CEP76: variants seen among roughly 807,000 people sequenced by gnomAD.
The protein encoded by CEP76 is centrosomal protein of 76 kDa.
In CEP76, 55 loss-of-function variants were observed where a neutral mutation model predicts 83.3. That is an observed-to-expected ratio of 0.66 (90% CI 0.53 to 0.83). The LOEUF (loss-of-function observed/expected upper bound fraction) is 0.83. CEP76 is among the 40% of genes least tolerant of loss of function. The probability of loss-of-function intolerance (pLI) is 0.00; values close to 1 mark genes in which losing one functional copy is unlikely to be tolerated. For missense variants in CEP76, 694 were observed against 799.5 expected, an observed-to-expected ratio of 0.87 and a Z score of 1.59; for synonymous variants, 270 against 274.5, an observed-to-expected ratio of 0.98 and a Z score of 0.16.
intron 5 of CEP76, among the ~76,000 whole-genome samples, chr18:12,695,574 ACT>A (rs1268894678): frequency 4.0e-5 from 6 of 151,798 alleles, no homozygotes; most frequent in African/African-American, 1.2e-4. Flanking sequence ...GCTTTCTGAC[ACT>A]CTTTTTCTTC....
At chr18:12,678,529 C>G (rs2039226384) in intron 9 of CEP76, 87 bp from the exon 10 acceptor site, 1 of 822,642 alleles carries the variant, frequency 1.2e-6, no homozygotes. Context: ...ACACTTAAGG[C>G]CATAACTACT....
intron 12 of CEP76, among the ~76,000 whole-genome samples, chr18:12,662,470 C>G (rs1023494827): frequency 6.6e-6 from 1 of 152,212 alleles, no homozygotes; most frequent in South Asian, 2.1e-4. Flanking sequence ...TGTACACTCA[C>G]AGAGAGCGAG....
chr18:12,669,978 C>T (rs2038901526), downstream of CEP76, among the ~76,000 whole-genome samples: 1 of 105,704 alleles, frequency 9.5e-6, no homozygotes, highest in South Asian at 2.7e-4. Flanking sequence ...GCCTGGGCAA[C>T]AAGAGCCAAA....
intron 10 of CEP76, among the ~76,000 whole-genome samples, chr18:12,675,314 T>C (rs2039083958): frequency 6.6e-6 from 1 of 152,048 alleles, no homozygotes; most frequent in Non-Finnish European, 1.5e-5. Context: ...GAGAATGGTA[T>C]GAATCCGGGA....
chr18:12,702,734 C>G, upstream of CEP76: 1 of 630,394 alleles, frequency 1.6e-6, no homozygotes, highest in East Asian at 3.1e-5. Context: ...GAGGCCCCGG[C>G]GGCGGCGGCG....
At chr18:12,701,700 T>G (rs1200030649) in intron 1 of CEP76, among the ~76,000 whole-genome samples, 1 of 152,192 alleles carries the variant, frequency 6.6e-6, no homozygotes, top group Admixed American at 6.5e-5. Flanking sequence ...CTGGAGGTTC[T>G]TCTGGAGCTC....
chr18:12,681,251 A>G (rs2039339169), intron 8 of CEP76, among the ~76,000 whole-genome samples: 1 of 143,138 alleles, frequency 7.0e-6, no homozygotes, highest in Admixed American at 7.2e-5. Flanking sequence ...AAAGAAAAGT[A>G]GAACATTTTT....
intron 8 of CEP76, among the ~76,000 whole-genome samples, chr18:12,682,449 A>C (rs2039385055): frequency 2.0e-5 from 3 of 152,148 alleles, no homozygotes; most frequent in African/African-American, 7.2e-5. Context: ...TCAGCCTCCC[A>C]AAGTGCTGGG....
intron 7 of CEP76, 42 bp downstream of exon 7, chr18:12,691,317 C>A (rs200423139): frequency 5.3e-6 from 7 of 1,319,340 alleles, no homozygotes; most frequent in Non-Finnish European, 7.3e-6. Context: ...AACAGTAAAT[C>A]TCAAATACAG....
chr18:12,678,312 C>A lies in CEP76; in HGVS notation c.1420G>T (p.Ala474Ser). The A allele has an allele frequency of 1.2e-6, 2 of 1,614,128 alleles. No homozygotes were observed. Among genetic ancestry groups the A allele is most frequent in the Non-Finnish European group, 1.7e-6 (2 of 1,180,024 alleles). ...AAATCAAATACACAGGTTTCTACTGCATCAGAGGGTTGACAATTTCCCAGG... is the reference window on the plus strand; with the variant it reads ...AAATCAAATACACAGGTTTCTACTGAATCAGAGGGTTGACAATTTCCCAGG... ...MFLGNCQPSDAVETCVFDLND... is the reference protein window; with the variant it reads ...MFLGNCQPSDSVETCVFDLND... The change falls in exon 10 of 12, where the codon GCA becomes TCA. Residue 474 changes from alanine (A) to serine (S), a missense_variant. Transcript: ENST00000262127.
chr18:12,675,558 A>G (rs906069463), intron 10 of CEP76, among the ~76,000 whole-genome samples: 3 of 152,220 alleles, frequency 2.0e-5, no homozygotes, highest in African/African-American at 7.2e-5. Context: ...TGTACTCTAT[A>G]AAACTTATAT....
intron 5 of CEP76, among the ~76,000 whole-genome samples, chr18:12,695,908 T>C (rs1249160924): frequency 6.6e-6 from 1 of 151,774 alleles, no homozygotes; most frequent in African/African-American, 2.4e-5. Flanking sequence ...AGCATTTATA[T>C]TGTCACTTAT....
chr18:12,702,507 G>A lies in CEP76; in HGVS notation c.42C>T (p.Leu14=), dbSNP rs778697314. The change falls in exon 1 of 12, where the codon CTC becomes CTT. Residue 14 remains leucine, a synonymous_variant. Coordinates refer to ENST00000262127, the MANE Select transcript of CEP76 (RefSeq NM_024899.4). ...PPEKASELKQ[L]IHQQLSKMDV... ...TCACCTTGCTCAGCTGCTGGTGGAT[G>A]AGCTGCTTCAGCTCGGAGGCTTTCT... 80 of 1,609,950 alleles carry A rather than the reference G, an allele frequency of 5.0e-5. 1 individual carries two copies. Among genetic ancestry groups the A allele is most frequent in the Middle Eastern group, 3.4e-4 (2 of 5,956 alleles).
intron 9 of CEP76, among the ~76,000 whole-genome samples, chr18:12,678,780 A>AC (rs2039237386): frequency 6.6e-6 from 1 of 152,004 alleles, no homozygotes; most frequent in African/African-American, 2.4e-5. Context: ...ACATGGTGAA[A>AC]CCCCGTCTCT....
Position 12,673,259 on chromosome 18 carries a change from A to C in CEP76, c.*106T>G. Reference sequence around the variant, plus strand: ...TATACAAAATTGAAGTATGCCATTCAAGCCAGATTGTGATTTTAAAATAAC... The same window carrying C: ...TATACAAAATTGAAGTATGCCATTCCAGCCAGATTGTGATTTTAAAATAAC... On this transcript the variant is annotated 3_prime_UTR_variant, in exon 12 of 12. Transcript: ENST00000262127. 5 of 1,465,452 alleles carry C rather than the reference A, an allele frequency of 3.4e-6. No individual in the cohort carries two copies. Among genetic ancestry groups the C allele is most frequent in the Non-Finnish European group, 4.5e-6 (5 of 1,114,144 alleles). 90.8% of individuals were successfully genotyped at this position (1,465,452 alleles called of 1,614,324 possible).
Position 12,674,661 on chromosome 18 carries a change from T to TA in CEP76, c.1715dup (p.Ser573IlefsTer5), listed in dbSNP as rs1368377300. 6.2e-7 allele frequency: 1 copy of TA among 1,614,118 alleles called. No homozygotes were observed. Among genetic ancestry groups the TA allele is most frequent in the Non-Finnish European group, 8.5e-7 (1 of 1,179,988 alleles). Reference sequence around the variant, plus strand: ...CTTGAAATTCTTCATTGCCTGCTGATATACTTGTTGTACGCTCAAATTCAT... The same window carrying TA: ...CTTGAAATTCTTCATTGCCTGCTGATAATACTTGTTGTACGCTCAAATTCAT... On this transcript the variant is annotated frameshift_variant, in exon 11 of 12. Transcript: ENST00000262127. LOFTEE classifies it high-confidence loss of function.
chr18:12,681,163 A>G (rs2039334531), intron 8 of CEP76, among the ~76,000 whole-genome samples: 1 of 150,780 alleles, frequency 6.6e-6, no homozygotes, highest in African/African-American at 2.4e-5. Context: ...GCGCCACTGC[A>G]TTCCAGCCTC....
At chr18:12,686,990 A>G (rs969594158) in intron 7 of CEP76, among the ~76,000 whole-genome samples, 18 of 152,330 alleles carry the variant, frequency 1.2e-4, no homozygotes, top group African/African-American at 4.1e-4. Flanking sequence ...AAAACACTCT[A>G]GAAAAAGTTT....
intron 8 of CEP76, chr18:12,685,524 T>C (rs1265819016): frequency 3.9e-5 from 6 of 152,080 alleles, no homozygotes. Flanking sequence ...TTAAATGTTA[T>C]GAAAAACAGA....
Sources: allele counts gnomAD v4.1 joint callset (sites outside exome capture counted in the v4.1 genomes callset), GRCh38; gene constraint gnomAD v4.1.1; transcripts MANE v1.5; gene names NCBI Gene and HGNC (gene_info 2026-07-23, HGNC 2026-07-21).